Variants in CRPPA observed in about 807,000 individuals in gnomAD.
CRPPA encodes CDP-L-ribitol pyrophosphorylase A, also known as D-ribitol-5-phosphate cytidylyltransferase.
CRPPA carries 43 observed loss-of-function variants against 52.0 expected under a neutral mutation model. That is an observed-to-expected ratio of 0.83 (90% CI 0.65 to 1.07). The LOEUF (loss-of-function observed/expected upper bound fraction) is 1.07, where lower values mean the gene tolerates loss of function less well. Among genes scored for constraint, CRPPA ranks in the 50% least tolerant of loss-of-function variants. CRPPA has a pLI of 0.00. For synonymous variants in CRPPA, 250 were observed against 203.5 expected (o/e 1.23, Z -1.94); for missense variants, 629 against 551.7 (o/e 1.14, Z -1.40).
chr7:16,247,584 T>C (rs1369927087), intron 8 of CRPPA, among the ~76,000 whole-genome samples: 1 of 152,102 alleles, frequency 6.6e-6, no homozygotes, highest in African/African-American at 2.4e-5. Context: ...GATGAAACAG[T>C]TTAAAATATT....
At chr7:16,132,668 T>A (rs1338311165) in intron 9 of CRPPA, among the ~76,000 whole-genome samples, 1 of 124,844 alleles carries the variant, frequency 8.0e-6, no homozygotes, top group African/African-American at 2.6e-5. Flanking sequence ...TTTACTTACA[T>A]GCAAATTTTT....
intron 3 of CRPPA, among the ~76,000 whole-genome samples, chr7:16,316,067 T>C (rs1274358584): frequency 6.6e-6 from 1 of 152,146 alleles, no homozygotes; most frequent in African/African-American, 2.4e-5. Context: ...CAGGAAACTA[T>C]AGTAGGACAT....
At chr7:16,310,173 T>A (rs1785003687) in intron 3 of CRPPA, among the ~76,000 whole-genome samples, 1 of 152,084 alleles carries the variant, frequency 6.6e-6, no homozygotes, top group African/African-American at 2.4e-5. Context: ...ATAGTTATAA[T>A]GATATCATTG....
intron 9 of CRPPA, among the ~76,000 whole-genome samples, chr7:16,213,785 C>A (rs896389797): frequency 6.6e-6 from 1 of 151,530 alleles, no homozygotes; most frequent in Non-Finnish European, 1.5e-5. Context: ...GCTTTGGTAA[C>A]TTTCTTATTT....
chr7:16,362,446 C>T (rs78332396), intron 3 of CRPPA, among the ~76,000 whole-genome samples: 3,932 of 152,248 alleles, frequency 0.026, 95 homozygotes, highest in East Asian at 0.15. Context: ...TCATTGAAGA[C>T]AGAACCCTTG....
chr7:16,415,707 C>A (rs74509774), intron 1 of CRPPA, among the ~76,000 whole-genome samples: 1 of 152,160 alleles, frequency 6.6e-6, no homozygotes. Context: ...GGTTACCACG[C>A]GCCTAGCTCT....
chr7:16,258,266 C>T (rs1783697352), intron 8 of CRPPA, 124 bp downstream of exon 8: 1 of 537,058 alleles, frequency 1.9e-6, no homozygotes, highest in Non-Finnish European at 3.2e-6. Context: ...GAGGAATCCA[C>T]AAACAAGAGT....
At chr7:16,292,248 G>C (rs1784578951) in intron 5 of CRPPA, among the ~76,000 whole-genome samples, 1 of 151,894 alleles carries the variant, frequency 6.6e-6, no homozygotes, top group South Asian at 2.1e-4. Flanking sequence ...TACTAGAGAA[G>C]ACAATATCCT....
chr7:16,387,929 T>C (rs1271950620), intron 2 of CRPPA, among the ~76,000 whole-genome samples: 1 of 152,236 alleles, frequency 6.6e-6, no homozygotes, highest in African/African-American at 2.4e-5. Context: ...ATACCAAGTA[T>C]AGTCTCTTAG....
intron 9 of CRPPA, among the ~76,000 whole-genome samples, chr7:16,215,356 T>C (rs2128397992): frequency 6.6e-6 from 1 of 152,304 alleles, no homozygotes; most frequent in Middle Eastern, 3.4e-3. Flanking sequence ...AATCCACAGA[T>C]TCTCCAAATT....
chr7:16,364,851 C>T (rs971954891), intron 3 of CRPPA, among the ~76,000 whole-genome samples: 5 of 152,124 alleles, frequency 3.3e-5, no homozygotes, highest in Admixed American at 2.0e-4. Flanking sequence ...GAACAACAAC[C>T]TGTTGTTGAC....
At position 16,242,605 on chromosome 7, in the gene CRPPA, G is replaced by C. The variant is rs1783148769; in HGVS notation, c.1119+15785C>G. On this transcript the variant is annotated intron_variant, in intron 8 of 9. Coordinates refer to ENST00000407010, the MANE Select transcript of CRPPA (RefSeq NM_001101426.4). ...TTGAGCTCCTCGACAACAGAGTATAGACTAAGCATTTAGAAAAATCACATA... is the reference window on the plus strand; with the variant it reads ...TTGAGCTCCTCGACAACAGAGTATACACTAAGCATTTAGAAAAATCACATA... 2.0e-5 allele frequency among the ~76,000 whole-genome samples: 3 copies of C among 152,194 alleles called. No homozygotes were observed. In the South Asian group the frequency reaches 6.2e-4, roughly 32 times the overall value.
At chr7:16,267,336 G>A (rs1212036503) in intron 6 of CRPPA, among the ~76,000 whole-genome samples, 1 of 152,156 alleles carries the variant, frequency 6.6e-6, no homozygotes, top group Non-Finnish European at 1.5e-5. Flanking sequence ...GGGAATTTCT[G>A]AGAATCCTGT....
At chr7:16,128,511 G>A (rs1782622829) in intron 9 of CRPPA, among the ~76,000 whole-genome samples, 1 of 152,076 alleles carries the variant, frequency 6.6e-6, no homozygotes, top group Non-Finnish European at 1.5e-5. Context: ...AGAACATTCA[G>A]AGAACATAGG....
At chr7:16,398,614 C>G (rs368586148) in intron 2 of CRPPA, among the ~76,000 whole-genome samples, 1 of 152,210 alleles carries the variant, frequency 6.6e-6, no homozygotes, top group Admixed American at 6.5e-5. Flanking sequence ...ATGATTGACA[C>G]ATCACCAACA....
chr7:16,420,707 G>GC (rs1193747649), intron 1 of CRPPA, among the ~76,000 whole-genome samples: 1 of 152,188 alleles, frequency 6.6e-6, no homozygotes, highest in Non-Finnish European at 1.5e-5. Context: ...CGGAGGCAGA[G>GC]CCCCAGGACC....
chr7:16,138,163 T>C (rs1486174388), intron 9 of CRPPA, among the ~76,000 whole-genome samples: 6 of 152,216 alleles, frequency 3.9e-5, no homozygotes, highest in Non-Finnish European at 8.8e-5. Context: ...GAAGGCTTTA[T>C]AGCTAAAGAT....
intron 3 of CRPPA, among the ~76,000 whole-genome samples, chr7:16,367,930 C>T (rs1305328139): frequency 6.6e-6 from 1 of 152,102 alleles, no homozygotes; most frequent in African/African-American, 2.4e-5. Flanking sequence ...ATAATTAACA[C>T]CCCAGAGACT....
chr7:16,370,846 G>T (rs532888761), intron 3 of CRPPA, among the ~76,000 whole-genome samples: 1 of 152,264 alleles, frequency 6.6e-6, no homozygotes, highest in African/African-American at 2.4e-5. Flanking sequence ...AATGCAGTGT[G>T]AGTGCACCTA....
Sources: allele counts gnomAD v4.1 joint callset (sites outside exome capture counted in the v4.1 genomes callset), GRCh38; gene constraint gnomAD v4.1.1; transcripts MANE v1.5; gene names NCBI Gene and HGNC (gene_info 2026-07-23, HGNC 2026-07-21).